The following CHST9 variants were observed in gnomAD, a reference collection of about 807,000 sequenced individuals.
CHST9 encodes the protein GalNAc-4-sulfotransferase 2.
CHST9 carries 41 observed loss-of-function variants against 44.4 expected under a neutral mutation model. That is an observed-to-expected ratio of 0.92 (90% CI 0.72 to 1.20). The LOEUF (loss-of-function observed/expected upper bound fraction) is 1.20. Ranked by LOEUF, CHST9 falls within the 50% of genes most tolerant of loss-of-function variation. The pLI is 0.00. For synonymous variants in CHST9, 171 were observed against 178.4 expected (o/e 0.96, Z 0.33); for missense variants, 504 against 516.5 (o/e 0.98, Z 0.23).
intron 3 of CHST9, among the ~76,000 whole-genome samples, chr18:27,029,813 T>C (rs1416722344): frequency 1.3e-5 from 2 of 152,184 alleles, no homozygotes; most frequent in African/African-American, 4.8e-5. Flanking sequence ...TATGATGGTA[T>C]CCATGGATGC....
At chr18:26,969,411 C>G (rs1478510494) in intron 4 of CHST9, among the ~76,000 whole-genome samples, 1 of 140,188 alleles carries the variant, frequency 7.1e-6, no homozygotes, top group Non-Finnish European at 1.5e-5. Flanking sequence ...TGTGTTAAGC[C>G]CTAATAATAA....
intron 4 of CHST9, among the ~76,000 whole-genome samples, chr18:26,954,178 G>T (rs555287352): frequency 6.6e-6 from 1 of 152,144 alleles, no homozygotes; most frequent in South Asian, 2.1e-4. Flanking sequence ...GCAGACTGGG[G>T]CCCTGTCCTT....
In CHST9 at chr18:27,007,556, T is replaced by C. The variant is rs751826096; in HGVS notation, c.202+16560A>G. 1.4e-3 allele frequency among the ~76,000 whole-genome samples: 215 copies of C among 151,878 alleles called. 1 individual carries two copies. In the Middle Eastern group the frequency reaches 0.034, roughly 24 times the overall value. On this transcript the variant is annotated intron_variant, in intron 4 of 5. Coordinates refer to ENST00000618847, the MANE Select transcript of CHST9 (RefSeq NM_031422.6). ...ACTGTAGGAGGGAAAGAGGATAGAT[T>C]AAAAAGCAAAAGGCCAAGCCAAGAA...
At chr18:27,009,836 T>C (rs2057061875) in intron 4 of CHST9, among the ~76,000 whole-genome samples, 1 of 152,236 alleles carries the variant, frequency 6.6e-6, no homozygotes, top group Admixed American at 6.5e-5. Context: ...TTTATGACTT[T>C]CTTTTCTTCT....
chr18:27,151,737 G>C (rs1181084030), intron 1 of CHST9, among the ~76,000 whole-genome samples: 1 of 152,140 alleles, frequency 6.6e-6, no homozygotes, highest in African/African-American at 2.4e-5. Flanking sequence ...AGGGAATGTA[G>C]GTGGCCTCTA....
At chr18:27,110,608 G>C (rs1257840548) in intron 2 of CHST9, among the ~76,000 whole-genome samples, 1 of 152,134 alleles carries the variant, frequency 6.6e-6, no homozygotes, top group East Asian at 1.9e-4. Context: ...TGCACATATA[G>C]AAACACACTA....
At chr18:26,957,376 A>C (rs1236758870) in intron 4 of CHST9, among the ~76,000 whole-genome samples, 2 of 152,204 alleles carry the variant, frequency 1.3e-5, no homozygotes, top group East Asian at 3.9e-4. Flanking sequence ...ACAGATGGCT[A>C]AGAGGACCAG....
chr18:27,089,280 TC>T (rs889427220), intron 2 of CHST9, among the ~76,000 whole-genome samples: 36 of 120,426 alleles, frequency 3.0e-4, no homozygotes, highest in East Asian at 3.3e-4. Context: ...ATGCTATCCC[TC>T]CCCCAGCCCC....
chr18:27,045,163 T>C (rs1426749435), intron 3 of CHST9, among the ~76,000 whole-genome samples: 15 of 151,990 alleles, frequency 9.9e-5, no homozygotes, highest in Non-Finnish European at 8.8e-5. Flanking sequence ...AAGTACGCAA[T>C]TGATTTCTCC....
chr18:27,173,400 T>C (rs1211152545), intron 1 of CHST9, among the ~76,000 whole-genome samples: 1 of 152,098 alleles, frequency 6.6e-6, no homozygotes, highest in African/African-American at 2.4e-5. Flanking sequence ...GTGAAAATCA[T>C]CAGTAATCTC....
At chr18:27,058,163 T>A (rs539698858) in intron 2 of CHST9, among the ~76,000 whole-genome samples, 1 of 152,204 alleles carries the variant, frequency 6.6e-6, no homozygotes, top group South Asian at 2.1e-4. Flanking sequence ...TAGTCTTAAT[T>A]GCGTAAGCTG....
chr18:27,130,109 C>T (rs1029018254), intron 2 of CHST9, among the ~76,000 whole-genome samples: 10 of 152,042 alleles, frequency 6.6e-5, no homozygotes, highest in African/African-American at 1.9e-4. Flanking sequence ...TTAAGCTTTT[C>T]GGGAGGAGGC....
At chr18:27,143,675 T>A (rs1055751543) in intron 1 of CHST9, among the ~76,000 whole-genome samples, 16 of 152,128 alleles carry the variant, frequency 1.1e-4, no homozygotes, top group African/African-American at 3.6e-4. Flanking sequence ...TTACAAAATC[T>A]TACATAAAAT....
Position 27,142,867 on chromosome 18 carries a change from C to A in CHST9, c.-58G>T. The A allele has an allele frequency of 6.5e-7, 1 of 1,533,370 alleles. No homozygotes were observed. Among genetic ancestry groups the A allele is most frequent in the Admixed American group, 2.0e-5 (1 of 48,786 alleles). The allele number at this position is 1,533,370 out of a possible 1,614,324, so 95.0% of individuals were successfully genotyped here. A position where few individuals can be genotyped will look rare whatever the true frequency, so the allele number is the denominator to read the frequency against. On this transcript the variant is annotated 5_prime_UTR_variant, in exon 2 of 6. Transcript: ENST00000618847. Reference sequence around the variant, plus strand: ...ATTTGTTTTCCCGTAAAACTTCAGTCTTTTCTTGTTCTCTAAGAGCCCAAT... The same window carrying A: ...ATTTGTTTTCCCGTAAAACTTCAGTATTTTCTTGTTCTCTAAGAGCCCAAT...
chr18:27,049,520 T>A (rs2057541633), intron 2 of CHST9, among the ~76,000 whole-genome samples: 1 of 151,950 alleles, frequency 6.6e-6, no homozygotes, highest in South Asian at 2.1e-4. Flanking sequence ...TACTACTAGA[T>A]CTAAGAAAAG....
At chr18:26,959,318 G>A (rs1016522424) in intron 4 of CHST9, among the ~76,000 whole-genome samples, 7 of 152,296 alleles carry the variant, frequency 4.6e-5, no homozygotes, top group African/African-American at 1.4e-4. Flanking sequence ...ACCACTAGAG[G>A]GAGGAGTGAT....
At chr18:27,055,909 GC>G (rs1353602900) in intron 2 of CHST9, among the ~76,000 whole-genome samples, 1 of 150,324 alleles carries the variant, frequency 6.7e-6, no homozygotes, top group East Asian at 2.0e-4. Context: ...CATTACATGT[GC>G]TTTTTCTTCT....
At chr18:26,941,754 A>G (rs2056085675) in intron 5 of CHST9, among the ~76,000 whole-genome samples, 1 of 152,224 alleles carries the variant, frequency 6.6e-6, no homozygotes, top group African/African-American at 2.4e-5. Flanking sequence ...ACTTTTAAAA[A>G]GCATACTAAT....
intron 1 of CHST9, among the ~76,000 whole-genome samples, chr18:27,159,905 C>G (rs530197625): frequency 7.9e-5 from 12 of 152,282 alleles, no homozygotes; most frequent in African/African-American, 2.9e-4. Flanking sequence ...ATTTGGCTCT[C>G]TATTTGTCTG....
Sources: allele counts gnomAD v4.1 joint callset (sites outside exome capture counted in the v4.1 genomes callset), GRCh38; gene constraint gnomAD v4.1.1; transcripts MANE v1.5; gene names NCBI Gene and HGNC (gene_info 2026-07-23, HGNC 2026-07-21).